Variants in ARPC2 observed in about 807,000 individuals in gnomAD.
The protein encoded by ARPC2 is actin-related protein 2/3 complex subunit 2.
A neutral mutation model predicts 38.6 loss-of-function variants in ARPC2; 4 were observed. That is an observed-to-expected ratio of 0.10 (90% CI 0.05 to 0.24). The LOEUF is 0.24. Among genes scored for constraint, ARPC2 ranks in the 10% least tolerant of loss-of-function variants. The pLI is 1.00. For missense variants in ARPC2, 229 were observed against 387.3 expected (o/e 0.59, Z 3.43); for synonymous variants, 125 against 140.8 (o/e 0.89, Z 0.79).
intron 5 of ARPC2, chr2:218,236,060 A>G (rs1489046528): frequency 6.6e-6 from 1 of 150,552 alleles, no homozygotes; most frequent in Admixed American, 6.7e-5. Context: ...ACTGCCCTCT[A>G]GCCTAGGCGA....
chr2:218,239,989 T>C (rs1559481134), intron 7 of ARPC2, among the ~76,000 whole-genome samples: 3 of 152,056 alleles, frequency 2.0e-5, no homozygotes, highest in Non-Finnish European at 2.9e-5. Flanking sequence ...GGAGTCTTGC[T>C]CTGTCGCCAG....
intron 4 of ARPC2, among the ~76,000 whole-genome samples, chr2:218,232,731 A>G (rs1474179358): frequency 6.6e-6 from 1 of 151,592 alleles, no homozygotes; most frequent in Non-Finnish European, 1.5e-5. Flanking sequence ...CACCATGCCC[A>G]GCTAATTTTT....
At chr2:218,247,313 A>G (rs765064061) in intron 8 of ARPC2, among the ~76,000 whole-genome samples, 3 of 152,194 alleles carry the variant, frequency 2.0e-5, no homozygotes, top group Admixed American at 6.5e-5. Context: ...TGATTATGAT[A>G]GCTTACAGTT....
At chr2:218,251,312 A>G (rs1433081772) in intron 10 of ARPC2, among the ~76,000 whole-genome samples, 1 of 152,156 alleles carries the variant, frequency 6.6e-6, no homozygotes, top group Non-Finnish European at 1.5e-5. Flanking sequence ...CCTGGGTTCA[A>G]GCAATTCTCT....
At chr2:218,234,888 T>C (rs1689731622) in intron 5 of ARPC2, 1 of 456,662 alleles carries the variant, frequency 2.2e-6, no homozygotes, top group Non-Finnish European at 4.4e-6. Flanking sequence ...GCCAGAGGAA[T>C]TGAAAGGCAC....
chr2:218,219,440 C>G (rs72949318), intron 2 of ARPC2, among the ~76,000 whole-genome samples: 1,871 of 152,034 alleles, frequency 0.012, 23 homozygotes, highest in Middle Eastern at 0.024. Flanking sequence ...ACCTCGCCCT[C>G]CCAGGCTCAA....
At chr2:218,217,764 G>A (rs936355372) in intron 2 of ARPC2, among the ~76,000 whole-genome samples, 1 of 152,332 alleles carries the variant, frequency 6.6e-6, no homozygotes, top group Non-Finnish European at 1.5e-5. Flanking sequence ...CGGAAGCAGC[G>A]AGTGGTGAGG....
chr2:218,221,233 G>C (rs1005470407), intron 2 of ARPC2, among the ~76,000 whole-genome samples: 3 of 152,102 alleles, frequency 2.0e-5, no homozygotes, highest in African/African-American at 7.2e-5. Flanking sequence ...GTGGTTCCAT[G>C]GGGGGGAGTG....
intron 4 of ARPC2, among the ~76,000 whole-genome samples, chr2:218,232,546 ATTTTT>A (rs71064418): frequency 1.2e-5 from 1 of 83,148 alleles, no homozygotes; most frequent in Non-Finnish European, 2.3e-5. Flanking sequence ...GCCAGACTCA[ATTTTT>A]TTTTTTTTTT....
At chr2:218,243,633 G>A (rs11904029) in intron 7 of ARPC2, among the ~76,000 whole-genome samples, 2,701 of 152,198 alleles carry the variant, frequency 0.018, 69 homozygotes, top group African/African-American at 0.06. Context: ...AAAATTAGCC[G>A]GGAATGATGG....
chr2:218,237,254 C>G (rs1689795868), intron 5 of ARPC2, among the ~76,000 whole-genome samples: 1 of 152,012 alleles, frequency 6.6e-6, no homozygotes, highest in Non-Finnish European at 1.5e-5. Flanking sequence ...GGCTGGAGTG[C>G]CGTGGCGCGA....
intron 8 of ARPC2, 76 bp from the exon 9 acceptor site, chr2:218,249,288 A>G (rs1690122545): frequency 4.1e-6 from 4 of 972,002 alleles, no homozygotes; most frequent in East Asian, 2.5e-5. Flanking sequence ...AGTGATGTTC[A>G]CTAGGCTGTT....
chr2:218,252,510 G>A (rs1690216033), intron 10 of ARPC2, among the ~76,000 whole-genome samples: 1 of 152,164 alleles, frequency 6.6e-6, no homozygotes, highest in African/African-American at 2.4e-5. Context: ...CCGGGTACTT[G>A]TTTGGTGACC....
chr2:218,249,490 C>G, intron 9 of ARPC2, 26 bp downstream of exon 9: 1 of 1,522,478 alleles, frequency 6.6e-7, no homozygotes, highest in Non-Finnish European at 9.0e-7. Context: ...GCATCTCAGC[C>G]TCTATGCTCT....
At chr2:218,244,273 G>A (rs931839153) in intron 7 of ARPC2, among the ~76,000 whole-genome samples, 1 of 152,180 alleles carries the variant, frequency 6.6e-6, no homozygotes, top group African/African-American at 2.4e-5. Context: ...TGAAATAGGT[G>A]AGGTCCCAGG....
chr2:218,226,530 G>A (rs546523721), intron 3 of ARPC2, among the ~76,000 whole-genome samples: 8 of 149,846 alleles, frequency 5.3e-5, no homozygotes, highest in African/African-American at 9.8e-5. Context: ...TCCGGAGGCC[G>A]AGGCAGGAGA....
intron 4 of ARPC2, among the ~76,000 whole-genome samples, chr2:218,231,504 G>C (rs1385550926): frequency 1.3e-5 from 2 of 152,142 alleles, no homozygotes; most frequent in Non-Finnish European, 2.9e-5. Context: ...CAGACTTGTA[G>C]CTCAGAGGTC....
intron 2 of ARPC2, among the ~76,000 whole-genome samples, chr2:218,223,664 C>T (rs992027919): frequency 2.6e-5 from 4 of 152,166 alleles, no homozygotes; most frequent in Non-Finnish European, 5.9e-5. Context: ...GAAGAGGAAC[C>T]TGAGGCCCGG....
chr2:218,217,360 T>A, intron 1 of ARPC2, 103 bp from the exon 2 acceptor site: 206 of 777,178 alleles, frequency 2.7e-4, no homozygotes, highest in Middle Eastern at 9.2e-4. Flanking sequence ...CCTAACCTCC[T>A]ACCCCACCCA....
Sources: gnomAD v4.1 joint callset for allele counts (sites outside exome capture counted in the v4.1 genomes callset) on GRCh38, gnomAD v4.1.1 for gene constraint, MANE v1.5 for transcripts, NCBI Gene and HGNC (gene_info 2026-07-23, HGNC 2026-07-21) for gene names.